Variants in DNM3 observed in about 807,000 individuals in gnomAD.
DNM3 encodes dynamin 3.
Under a neutral mutation model 101.6 loss-of-function variants are expected in DNM3, and 47 were observed. That is an observed-to-expected ratio of 0.46 (90% CI 0.37 to 0.59). The LOEUF (loss-of-function observed/expected upper bound fraction) is 0.59, where lower values mean the gene tolerates loss of function less well. Among genes scored for constraint, DNM3 ranks in the 20% least tolerant of loss-of-function variants. The pLI, the probability that DNM3 is intolerant of heterozygous loss-of-function variation, is 0.00. For synonymous variants in DNM3, 385 were observed against 387.9 expected, an observed-to-expected ratio of 0.99 and a Z score of 0.09; for missense variants, 849 against 1,085.7, an observed-to-expected ratio of 0.78 and a Z score of 3.06.
At chr1:171,904,889 C>T (rs1020101494) in intron 1 of DNM3, among the ~76,000 whole-genome samples, 4 of 152,138 alleles carry the variant, frequency 2.6e-5, no homozygotes, top group African/African-American at 9.7e-5. Flanking sequence ...TCAACAGAAC[C>T]ACGGGGTTTA....
intron 2 of DNM3, among the ~76,000 whole-genome samples, chr1:171,962,756 G>A (rs942528146): frequency 2.6e-5 from 4 of 152,202 alleles, no homozygotes; most frequent in East Asian, 1.9e-4. Context: ...TTAAAGGTTA[G>A]GGCTTCAACA....
At chr1:172,334,563 G>C (rs112902382) in intron 17 of DNM3, among the ~76,000 whole-genome samples, 20 of 152,260 alleles carry the variant, frequency 1.3e-4, no homozygotes, top group African/African-American at 2.9e-4. Context: ...ATGAAGATTT[G>C]GACCTGTGTC....
At chr1:172,315,440 G>A (rs966341345) in intron 16 of DNM3, among the ~76,000 whole-genome samples, 7 of 152,186 alleles carry the variant, frequency 4.6e-5, no homozygotes, top group Non-Finnish European at 8.8e-5. Flanking sequence ...AAACTACTCC[G>A]AGCTACAGGA....
chr1:172,149,575 A>G (rs1026020587), intron 14 of DNM3, among the ~76,000 whole-genome samples: 1 of 152,154 alleles, frequency 6.6e-6, no homozygotes, highest in Non-Finnish European at 1.5e-5. Flanking sequence ...GACAAGCATC[A>G]TCTGAATGCT....
At chr1:171,953,353 T>G (rs2042649012) in intron 2 of DNM3, among the ~76,000 whole-genome samples, 1 of 152,180 alleles carries the variant, frequency 6.6e-6, no homozygotes, top group African/African-American at 2.4e-5. Context: ...CTTTTCATGA[T>G]ATCAGTTATC....
At chr1:172,415,005 G>A (rs755805219), downstream of DNM3, among the ~76,000 whole-genome samples, 38 of 152,198 alleles carry the variant, frequency 2.5e-4, no homozygotes, top group Non-Finnish European at 4.4e-4. Context: ...GATCACTTGA[G>A]CCCAGGAGTT....
chr1:172,292,980 T>A (rs2063993164), intron 15 of DNM3, among the ~76,000 whole-genome samples: 1 of 152,140 alleles, frequency 6.6e-6, no homozygotes, highest in Non-Finnish European at 1.5e-5. Context: ...TCATGATAGG[T>A]GGTAATGAGG....
At position 172,070,847 on chromosome 1, in the gene DNM3, G is replaced by A. The variant is rs560320905; in HGVS notation, c.1422+1942G>A. Among the ~76,000 whole-genome samples, 7 of 151,940 alleles carry A rather than the reference G, an allele frequency of 4.6e-5. No individual in the cohort carries two copies. In the East Asian group the frequency reaches 1.2e-3, roughly 25 times the overall value. On this transcript the variant is annotated intron_variant, in intron 11 of 20. Transcript: ENST00000627582. ...CACACCTGTAATCCCAGCACTTTTG[G>A]GAGGCTGAGGCAGGCAGATTGCTTG...
chr1:172,233,303 A>G (rs1358415057), intron 14 of DNM3, among the ~76,000 whole-genome samples: 6 of 152,212 alleles, frequency 3.9e-5, no homozygotes, highest in Non-Finnish European at 8.8e-5. Flanking sequence ...AAATGGATAA[A>G]TTCCTGGACA....
At chr1:171,991,889 A>G (rs2045655863) in intron 4 of DNM3, among the ~76,000 whole-genome samples, 1 of 152,216 alleles carries the variant, frequency 6.6e-6, no homozygotes, top group Non-Finnish European at 1.5e-5. Context: ...ATCCAGATGA[A>G]GCTTCATGGA....
At chr1:172,265,776 G>C (rs533172047) in intron 15 of DNM3, among the ~76,000 whole-genome samples, 19 of 152,268 alleles carry the variant, frequency 1.2e-4, no homozygotes, top group South Asian at 1.2e-3. Context: ...TCATGCTAAG[G>C]CCCATTTGGT....
At chr1:171,896,744 T>C (rs1484954386) in intron 1 of DNM3, among the ~76,000 whole-genome samples, 2 of 152,220 alleles carry the variant, frequency 1.3e-5, no homozygotes, top group African/African-American at 4.8e-5. Context: ...GCAATTTTTT[T>C]CTGATAAAAT....
chr1:172,074,886 G>T (rs557523257), intron 11 of DNM3, among the ~76,000 whole-genome samples: 1 of 152,312 alleles, frequency 6.6e-6, no homozygotes, highest in African/African-American at 2.4e-5. Flanking sequence ...TTGAGGAATT[G>T]CCACACTGTC....
intron 4 of DNM3, among the ~76,000 whole-genome samples, chr1:171,993,653 T>C (rs12073819): frequency 0.3 from 45,256 of 151,850 alleles, 9,889 homozygotes; most frequent in African/African-American, 0.62. Context: ...CATTATTTCT[T>C]CAACTATTCT....
intron 1 of DNM3, among the ~76,000 whole-genome samples, chr1:171,876,003 G>C (rs969717234): frequency 6.6e-6 from 1 of 151,848 alleles, no homozygotes; most frequent in Non-Finnish European, 1.5e-5. Flanking sequence ...TAGAGACGGA[G>C]TTTTACCATG....
intron 14 of DNM3, among the ~76,000 whole-genome samples, chr1:172,178,547 A>G (rs1350817297): frequency 6.6e-6 from 1 of 151,914 alleles, no homozygotes; most frequent in Non-Finnish European, 1.5e-5. Flanking sequence ...AGGAATGAAC[A>G]TAGATGAAGC....
chr1:172,250,745 G>A (rs1450061747), intron 14 of DNM3, among the ~76,000 whole-genome samples: 1 of 152,054 alleles, frequency 6.6e-6, no homozygotes, highest in Non-Finnish European at 1.5e-5. Context: ...GGGGTGACAG[G>A]GAGAATGAAG....
chr1:172,360,597 A>G (rs2067690942), intron 17 of DNM3, among the ~76,000 whole-genome samples: 1 of 152,022 alleles, frequency 6.6e-6, no homozygotes, highest in Non-Finnish European at 1.5e-5. Context: ...GAGCCCCTGC[A>G]AGGGTCTAAC....
rs752381838 is a variant in DNM3 at position 172,253,597 on chromosome 1, C to T, written c.1684C>T (p.Pro562Ser). 2.5e-6 allele frequency: 4 copies of T among 1,576,244 alleles called. 1 individual carries two copies. The highest frequency in any genetic ancestry group is 3.4e-6 in the Non-Finnish European group (4 of 1,159,836). Residue 562 changes from proline to serine, a missense_variant, in exon 15 of 21, where the codon CCC (proline) becomes TCC (serine). Pro to Ser is a moderately conservative substitution (Grantham distance 74). Around this residue, in one of 5 missense-constraint regions of DNM3, gnomAD observed 193 missense variants for 238.4 expected, o/e 0.81. Transcript: ENST00000627582. The stretch of plus-strand genomic sequence containing the variant: ...GGAAAAAGAAAAGAAGTACATGCTT[C>T]CCTTGGACAACCTGAAAGTTCGGGA... ...DEEKEKKYML[P>S]LDNLKVRDVE...
Sources: allele counts gnomAD v4.1 joint callset (sites outside exome capture counted in the v4.1 genomes callset), GRCh38; gene constraint gnomAD v4.1.1; regional missense constraint gnomAD v4.1.1; transcripts MANE v1.5; gene names NCBI Gene and HGNC (gene_info 2026-07-23, HGNC 2026-07-21).